The following RNF130 variants were observed in gnomAD, a reference collection of about 807,000 sequenced individuals.
RNF130 encodes the protein E3 ubiquitin-protein ligase RNF130.
RNF130 carries 21 observed loss-of-function variants against 44.6 expected under a neutral mutation model. The ratio of observed to expected loss-of-function variants is 0.47; its 90% confidence interval spans 0.33 to 0.68. The LOEUF (loss-of-function observed/expected upper bound fraction) is 0.68, where lower values mean the gene tolerates loss of function less well. RNF130 is among the 30% of genes least tolerant of loss of function. The pLI is 0.02. For synonymous variants in RNF130, 214 were observed against 210.4 expected (o/e 1.02, Z -0.15); for missense variants, 479 against 560.6 (o/e 0.85, Z 1.47).
At chr5:180,047,103 C>A (rs1017425777) in intron 1 of RNF130, among the ~76,000 whole-genome samples, 1 of 152,140 alleles carries the variant, frequency 6.6e-6, no homozygotes, top group East Asian at 1.9e-4. Flanking sequence ...TAATTAGTTA[C>A]CCCGGATTTA....
At chr5:179,962,739 A>G (rs2113699757) in intron 8 of RNF130, among the ~76,000 whole-genome samples, 1 of 152,250 alleles carries the variant, frequency 6.6e-6, no homozygotes, top group South Asian at 2.1e-4. Flanking sequence ...CCAATCCTCC[A>G]TCCTCTCAAA....
chr5:179,918,809 C>A (rs2113668185), exon 8 of RNF130: 1 of 152,346 alleles, frequency 6.6e-6, no homozygotes, highest in East Asian at 1.9e-4. Context: ...TGACAATGCT[C>A]CTGAAGCCTG....
intron 7 of RNF130, among the ~76,000 whole-genome samples, chr5:179,922,010 G>A (rs567889660): frequency 1.8e-4 from 27 of 151,700 alleles, no homozygotes; most frequent in Admixed American, 1.6e-3. Context: ...GACAGAGTGA[G>A]ACTCCGTCTG....
At chr5:180,027,978 CGT>C (rs1764029908) in intron 2 of RNF130, among the ~76,000 whole-genome samples, 1 of 152,220 alleles carries the variant, frequency 6.6e-6, no homozygotes, top group African/African-American at 2.4e-5. Flanking sequence ...CAAATCCTCC[CGT>C]GTTACTAAGC....
rs183752409 is a variant in RNF130, at chr5:179,944,328, C to G, written c.1150+22478G>C. Among the ~76,000 whole-genome samples the G allele has an allele frequency of 1.9e-3, 293 of 152,236 alleles. 1 individual carries two copies. Among genetic ancestry groups the G allele is most frequent in the Non-Finnish European group, 3.3e-3 (226 of 68,034 alleles). On this transcript the variant is annotated intron_variant, in intron 7 of 7. Coordinates refer to the RNF130 transcript ENST00000522208. ...GTGCTATTTCCAATAAATTAAATAA[C>G]TAAAGGATCTGACAAGTTTTAAGAT...
At chr5:179,914,447 T>G (rs1357066393) in exon 8 of RNF130, 1 of 152,272 alleles carries the variant, frequency 6.6e-6, no homozygotes, top group Non-Finnish European at 1.5e-5. Flanking sequence ...CTTCAGTAGC[T>G]CCTTCTGTCC....
chr5:179,978,700 A>T (rs1003990813), intron 4 of RNF130, among the ~76,000 whole-genome samples: 4 of 152,208 alleles, frequency 2.6e-5, no homozygotes, highest in Non-Finnish European at 4.4e-5. Flanking sequence ...ACCTAAGTAC[A>T]GACAGGAAAG....
intron 8 of RNF130, 28 bp downstream of exon 8, chr5:179,963,443 T>G (rs767727843): frequency 6.4e-7 from 1 of 1,558,548 alleles, no homozygotes; most frequent in Non-Finnish European, 8.8e-7. Flanking sequence ...ATCTGGCACA[T>G]GCAATCCAAA....
chr5:179,980,108 G>A (rs1228059085), intron 4 of RNF130, 21 bp downstream of exon 4: 14 of 1,609,864 alleles, frequency 8.7e-6, no homozygotes, highest in South Asian at 1.1e-5. Flanking sequence ...TTACGGTGCT[G>A]AAGTTGTTTC....
intron 8 of RNF130, among the ~76,000 whole-genome samples, chr5:179,962,758 C>T (rs1762363135): frequency 6.6e-6 from 1 of 152,200 alleles, no homozygotes; most frequent in African/African-American, 2.4e-5. Context: ...AAACACCTCA[C>T]TACAGCACCC....
At chr5:179,943,546 G>C (rs990386984) in intron 7 of RNF130, among the ~76,000 whole-genome samples, 1 of 152,190 alleles carries the variant, frequency 6.6e-6, no homozygotes, top group Non-Finnish European at 1.5e-5. Context: ...AGAAGAAAAA[G>C]GGGATAAAGA....
At chr5:179,913,747 C>T (rs989478843) in exon 8 of RNF130, 1 of 152,238 alleles carries the variant, frequency 6.6e-6, no homozygotes, top group Non-Finnish European at 1.5e-5. Flanking sequence ...TTCGTGGCTA[C>T]AGGGGGCCTC....
At chr5:179,952,926 C>T (rs545699438), downstream of RNF130, among the ~76,000 whole-genome samples, 4 of 152,206 alleles carry the variant, frequency 2.6e-5, no homozygotes, top group South Asian at 8.3e-4. Context: ...CCTACGAGAT[C>T]ACAACAACAC....
In RNF130 at chr5:180,071,342, T is replaced by C. The variant is rs571839500; in HGVS notation, c.247+114A>G. ...CGGAAGCCTCGACCCTGGCTGGGGC[T>C]GTCGGCCGGGCAGCGCGGGAGAGCC... On this transcript the variant is annotated intron_variant, in intron 1 of 8. Coordinates refer to ENST00000521389, the MANE Select transcript of RNF130 (RefSeq NM_018434.6). 11 of 1,050,482 alleles carry C rather than the reference T, an allele frequency of 1.0e-5. No homozygotes were observed. In the South Asian group the frequency reaches 5.4e-4, roughly 52 times the overall value. 65.1% of individuals were successfully genotyped at this position (1,050,482 alleles called of 1,614,324 possible). A position where few individuals can be genotyped will look rare whatever the true frequency, so the allele number is the denominator to read the frequency against.
At chr5:180,018,432 G>A (rs1479560624) in intron 2 of RNF130, among the ~76,000 whole-genome samples, 1 of 152,116 alleles carries the variant, frequency 6.6e-6, no homozygotes, top group Non-Finnish European at 1.5e-5. Flanking sequence ...GAGAGAGAAC[G>A]AGTGCAAGTT....
intron 1 of RNF130, among the ~76,000 whole-genome samples, chr5:180,061,007 C>G (rs1287217445): frequency 2.1e-5 from 3 of 146,126 alleles, no homozygotes; most frequent in Non-Finnish European, 4.4e-5. Flanking sequence ...GGGGGCGGAG[C>G]CTGCAGTGAG....
At chr5:180,044,843 AT>A (rs1379813543) in intron 1 of RNF130, among the ~76,000 whole-genome samples, 30 of 150,854 alleles carry the variant, frequency 2.0e-4, no homozygotes, top group Admixed American at 7.9e-4. Flanking sequence ...AAAAAAAAAA[AT>A]AAAAGCCTCC....
chr5:179,926,977 C>CCACT (rs1426860670), intron 7 of RNF130, among the ~76,000 whole-genome samples: 2 of 152,192 alleles, frequency 1.3e-5, no homozygotes, highest in Admixed American at 6.5e-5. Context: ...ACTGCCCCCA[C>CCACT]CACTGACTGT....
intron 7 of RNF130, among the ~76,000 whole-genome samples, chr5:179,946,546 C>T (rs992060843): frequency 6.6e-6 from 1 of 151,598 alleles, no homozygotes; most frequent in Non-Finnish European, 1.5e-5. Flanking sequence ...ACAGCACACC[C>T]ACCGGGGATT....
Sources: allele counts gnomAD v4.1 joint callset (sites outside exome capture counted in the v4.1 genomes callset), GRCh38; gene constraint gnomAD v4.1.1; transcripts MANE v1.5; gene names NCBI Gene and HGNC (gene_info 2026-07-23, HGNC 2026-07-21).